The following IQCH variants were observed in gnomAD, a reference collection of about 807,000 sequenced individuals.
IQCH encodes IQ domain-containing protein H.
IQCH carries 98 observed loss-of-function variants against 117.0 expected under a neutral mutation model. The ratio of observed to expected loss-of-function variants is 0.84; its 90% CI spans 0.71 to 0.99. The LOEUF (loss-of-function observed/expected upper bound fraction) is 0.99. Ranked by LOEUF, IQCH falls within the 50% of genes least tolerant of loss-of-function variation. IQCH has a pLI of 0.00. For missense variants in IQCH, 1,102 were observed against 1,243.8 expected (o/e 0.89, Z 1.72); for synonymous variants, 412 against 448.2 (o/e 0.92, Z 1.02).
rs748941502 is a variant in IQCH at position 67,372,624 on chromosome 15, C to A, written c.1267C>A (p.Arg423Ser). The change falls in exon 9 of 21, where the codon CGT becomes AGT. Residue 423 changes from arginine to serine, a missense_variant. Transcript: ENST00000335894. ...TRLKKILKES[R>S]QRHLENFRIR... ...ACTAAAGAAGATACTAAAGGAATCA[C>A]GTCAGAGACACCTGGAGAATTTTCG... is the stretch of plus-strand genomic sequence containing the variant. 6.2e-7 allele frequency: 1 copy of A among 1,610,686 alleles called. No homozygotes were observed. The highest frequency in any genetic ancestry group is 8.5e-7 in the Non-Finnish European group (1 of 1,178,310).
chr15:67,368,409 A>G (rs1174881246), intron 8 of IQCH, among the ~76,000 whole-genome samples: 1 of 152,184 alleles, frequency 6.6e-6, no homozygotes, highest in Non-Finnish European at 1.5e-5. Flanking sequence ...CACATTGTGG[A>G]CCCTTAACAC....
At chr15:67,455,586 A>G (rs1468084099) in intron 16 of IQCH, among the ~76,000 whole-genome samples, 2 of 152,250 alleles carry the variant, frequency 1.3e-5, no homozygotes, top group East Asian at 3.8e-4. Flanking sequence ...CCAATGCCAC[A>G]TGCTCATCCT....
intron 16 of IQCH, among the ~76,000 whole-genome samples, chr15:67,446,395 C>T (rs1323686867): frequency 1.3e-5 from 2 of 152,016 alleles, no homozygotes; most frequent in Non-Finnish European, 2.9e-5. Context: ...AGAAATAGTG[C>T]ATTGAATTTT....
Position 67,288,769 on chromosome 15 carries a change from G to A in IQCH, c.387+9257G>A, listed in dbSNP as rs1440153920. The stretch of plus-strand genomic sequence containing the variant: ...AAGTTATTACTGATAACTACGTTAG[G>A]TACTCTTCTAAGCACTGGAGGACTT... On this transcript the variant is annotated intron_variant, in intron 4 of 20. Coordinates refer to ENST00000335894, the MANE Select transcript of IQCH (RefSeq NM_001031715.3). Among the ~76,000 whole-genome samples the A allele has an allele frequency of 5.9e-5, 9 of 152,040 alleles. No individual in the cohort carries two copies. The Admixed American group carries it at 5.9e-4, about 10-fold the overall frequency.
chr15:67,409,109 G>T (rs1257482604), intron 14 of IQCH, among the ~76,000 whole-genome samples: 4 of 152,014 alleles, frequency 2.6e-5, no homozygotes, highest in Non-Finnish European at 5.9e-5. Flanking sequence ...AGCAGATGTT[G>T]AAGTAATTCT....
At chr15:67,373,275 G>A (rs1970616778) in intron 9 of IQCH, 92 bp from the exon 10 acceptor site, 7 of 745,152 alleles carry the variant, frequency 9.4e-6, no homozygotes, top group Admixed American at 2.3e-5. Context: ...TTTATGCCTG[G>A]CTTAACTGTA....
At chr15:67,326,647 A>G (rs1968425168) in intron 4 of IQCH, among the ~76,000 whole-genome samples, 1 of 152,112 alleles carries the variant, frequency 6.6e-6, no homozygotes, top group Admixed American at 6.5e-5. Flanking sequence ...TGACTTTTTA[A>G]TGATCGTCAT....
At chr15:67,495,717 G>A (rs893498533) in intron 20 of IQCH, among the ~76,000 whole-genome samples, 1 of 152,172 alleles carries the variant, frequency 6.6e-6, no homozygotes, top group Admixed American at 6.5e-5. Context: ...CAAAATGAAA[G>A]CTATTTCTCT....
chr15:67,280,035 T>G (rs1966288689), intron 4 of IQCH, among the ~76,000 whole-genome samples: 1 of 152,176 alleles, frequency 6.6e-6, no homozygotes, highest in East Asian at 1.9e-4. Context: ...AATGTGAATT[T>G]TATGGTATAT....
At chr15:67,397,417 A>C in intron 13 of IQCH, among the ~76,000 whole-genome samples, 1 of 152,252 alleles carries the variant, frequency 6.6e-6, no homozygotes, top group East Asian at 1.9e-4. Context: ...GGTATGTGCA[A>C]ATTGTATAAC....
intron 3 of IQCH, among the ~76,000 whole-genome samples, chr15:67,272,972 T>A (rs987941787): frequency 1.3e-5 from 2 of 152,150 alleles, no homozygotes; most frequent in African/African-American, 4.8e-5. Context: ...CTGGTTGTTT[T>A]GTAAATTCTC....
In IQCH at chr15:67,500,961, G is replaced by C; in HGVS notation, c.*215G>C. 3.0e-6 allele frequency: 1 copy of C among 334,498 alleles called. No homozygotes were observed. Among genetic ancestry groups the C allele is most frequent in the Non-Finnish European group, 5.5e-6 (1 of 181,248 alleles). The allele number at this position is 334,498 out of a possible 1,614,324, so 20.7% of individuals were successfully genotyped here. On this transcript the variant is annotated 3_prime_UTR_variant, in exon 21 of 21. Coordinates refer to ENST00000335894, the MANE Select transcript of IQCH (RefSeq NM_001031715.3). This position sits in a 1 kb window ranked among gnomAD's most constrained non-coding sequence, Gnocchi z 4.4. ...CCAAAACTTATTTGTGTTTTCATTT[G>C]AGAGTGTTGAACAATCCCTTCTTCT...
At position 67,459,826 on chromosome 15, in the gene IQCH, A is replaced by G. The variant is rs1408369687; in HGVS notation, c.2506-5301A>G. ...CTGGCCCTGCTCCTTTGCAGGCTACAATGCACTTCTTTACAACCAATCCAA... is the reference window on the plus strand; with the variant it reads ...CTGGCCCTGCTCCTTTGCAGGCTACGATGCACTTCTTTACAACCAATCCAA... On this transcript the variant is annotated intron_variant, in intron 16 of 20. Transcript: ENST00000335894. This position sits in a 1 kb window ranked among gnomAD's most constrained non-coding sequence, Gnocchi z 4.2. 2.0e-5 allele frequency: 3 copies of G among 152,372 alleles called. No individual in the cohort carries two copies. Among genetic ancestry groups the G allele is most frequent in the East Asian group, 1.9e-4 (1 of 5,186 alleles). 9.4% of individuals were successfully genotyped at this position (152,372 alleles called of 1,614,324 possible). A position where few individuals can be genotyped will look rare whatever the true frequency, so the allele number is the denominator to read the frequency against.
rs1567218995 is a variant in IQCH at position 67,475,217 on chromosome 15, C to T, written c.2677-479C>T. On this transcript the variant is annotated intron_variant, in intron 17 of 20. Transcript: ENST00000335894. The surrounding 1 kb of genome is among the most constrained non-coding windows in gnomAD (Gnocchi z 5.7). Reference sequence around the variant, plus strand: ...TAGGGCCAGGTGTGGTGGCTCACGCCGGTAATTCCAGCATTTTGGGAGGCC... The same window carrying T: ...TAGGGCCAGGTGTGGTGGCTCACGCTGGTAATTCCAGCATTTTGGGAGGCC... 6.6e-6 allele frequency among the ~76,000 whole-genome samples: 1 copy of T among 152,126 alleles called. No homozygotes were observed. Among genetic ancestry groups the T allele is most frequent in the African/African-American group, 2.4e-5 (1 of 41,428 alleles).
At chr15:67,260,670 T>G (rs1965418352) in intron 1 of IQCH, among the ~76,000 whole-genome samples, 1 of 152,234 alleles carries the variant, frequency 6.6e-6, no homozygotes, top group African/African-American at 2.4e-5. Context: ...TCTTACCACT[T>G]AAGAAAGTAG....
At chr15:67,398,800 G>A (rs551258479) in intron 13 of IQCH, among the ~76,000 whole-genome samples, 3 of 152,048 alleles carry the variant, frequency 2.0e-5, no homozygotes, top group Admixed American at 6.6e-5. Context: ...GAATCCTTCC[G>A]TACAGAAAAC....
intron 8 of IQCH, 38 bp from the exon 9 acceptor site, chr15:67,372,073 A>G: frequency 6.6e-7 from 1 of 1,504,750 alleles, no homozygotes; most frequent in South Asian, 1.3e-5. Flanking sequence ...AGATCATAAT[A>G]TCTTTCACTT....
At chr15:67,358,536 G>C (rs903089566) in intron 7 of IQCH, among the ~76,000 whole-genome samples, 1 of 152,068 alleles carries the variant, frequency 6.6e-6, no homozygotes, top group African/African-American at 2.4e-5. Flanking sequence ...ACAGTACAAT[G>C]TAATTCATTC....
chr15:67,485,215 C>T lies in IQCH; in HGVS notation c.2800-4788C>T, dbSNP rs910717303. ...ATATGTTTGTAATATGTTCATGTCA[C>T]CAAAGACCTAGAATCAGTTTTTTAA... On this transcript the variant is annotated intron_variant, in intron 18 of 20. Coordinates refer to ENST00000335894, the MANE Select transcript of IQCH (RefSeq NM_001031715.3). Among the ~76,000 whole-genome samples the T allele has an allele frequency of 1.1e-4, 17 of 152,004 alleles. 1 individual carries two copies. The highest frequency in any genetic ancestry group is 3.9e-4 in the African/African-American group (16 of 41,376).
Sources: gnomAD v4.1 joint callset for allele counts (sites outside exome capture counted in the v4.1 genomes callset) on GRCh38, gnomAD v4.1.1 for gene constraint, Gnocchi (gnomAD v3.1) non-coding constraint, MANE v1.5 for transcripts, NCBI Gene and HGNC (gene_info 2026-07-23, HGNC 2026-07-21) for gene names.